The following CTSG variants were observed in gnomAD, a reference collection of about 807,000 sequenced individuals.
The protein encoded by CTSG is cathepsin G.
CTSG carries 23 observed loss-of-function variants against 23.0 expected under a neutral mutation model. The observed-to-expected ratio is 1.00, with a 90% confidence interval of 0.72 to 1.42. The LOEUF is 1.42. CTSG is among the 40% of genes most tolerant of loss of function. The pLI is 0.00. For synonymous variants in CTSG, 140 were observed against 130.4 expected (o/e 1.07, Z -0.50); for missense variants, 312 against 326.2 (o/e 0.96, Z 0.33).
Position 24,574,704 on chromosome 14 carries a change from T to C in CTSG, c.310A>G (p.Thr104Ala). The C allele has an allele frequency of 5.6e-6, 9 of 1,614,200 alleles. No individual in the cohort carries two copies. Among genetic ancestry groups the C allele is most frequent in the Non-Finnish European group, 6.8e-6 (8 of 1,180,034 alleles). Reference protein sequence around the residue: ...AIRHPQYNQRTIQNDIMLLQL... With the variant: ...AIRHPQYNQRAIQNDIMLLQL... ...AATAACATGATGTCATTCTGGATGG[T>C]CCGCTGATTATATTGAGGGTGGCGG... Residue 104 changes from threonine (T) to alanine (A), a missense_variant, in exon 3 of 5, where the codon ACC becomes GCC. Thr to Ala is a moderately conservative substitution (Grantham distance 58). Transcript: ENST00000216336.
Position 24,574,560 on chromosome 14 carries a change from G to A in CTSG, c.340-61C>T, listed in dbSNP as rs1278685258. 3.7e-6 allele frequency: 6 copies of A among 1,610,800 alleles called. No homozygotes were observed. In the South Asian group the frequency reaches 4.4e-5, roughly 12 times the overall value. ...GGCCTCCAGCCAAGGCTCGGGGGTC[G>A]CTGGTGCAGTACACATCCCATGCCC... On this transcript the variant is annotated intron_variant, in intron 3 of 4. Coordinates refer to ENST00000216336, the MANE Select transcript of CTSG (RefSeq NM_001911.3).
In CTSG at chr14:24,574,274, C is replaced by T. The variant is rs2066729410; in HGVS notation, c.565G>A (p.Asp189Asn). The change falls in exon 4 of 5, where the codon GAC becomes AAC. Residue 189 changes from aspartate (D) to asparagine (N), a missense_variant. Asp to Asn is a conservative substitution (Grantham distance 23, BLOSUM62 1). Transcript: ENST00000216336. Reference sequence around the variant, plus strand: ...AAGGCAGCCTTCCGTTCCCGCCGGTCCCCCACACAAATCTGCCTTCGGGGG... The same window carrying T: ...AAGGCAGCCTTCCGTTCCCGCCGGTTCCCCACACAAATCTGCCTTCGGGGG... The part of the protein sequence containing the change: ...YDPRRQICVG[D>N]RRERKAAFKG... 6.2e-7 allele frequency: 1 copy of T among 1,600,146 alleles called. No individual in the cohort carries two copies.
At chr14:24,574,883 C>T (rs2070697) in intron 2 of CTSG, 73 bp from the exon 3 acceptor site, 481,156 of 1,595,872 alleles carry the variant, frequency 0.3, 77,204 homozygotes, top group Admixed American at 0.56. Context: ...GCAGACAGCA[C>T]GGGGAGGGCA....
At position 24,575,334 on chromosome 14, in the gene CTSG, C is replaced by G; in HGVS notation, c.134G>C (p.Gly45Ala). The change falls in exon 2 of 5, where the codon GGT (glycine) becomes GCT (alanine). Residue 45 changes from glycine to alanine, a missense_variant. By Grantham distance (60) the Gly-to-Ala change is moderately conservative. Coordinates refer to ENST00000216336, the MANE Select transcript of CTSG (RefSeq NM_001911.3). ...CAGGAACCCTCCACATCTGCTCTGA[C>G]CTGCTGGACTCTGGATCTGAAGATA... ...MAYLQIQSPA[G>A]QSRCGGFLVR... is the part of the protein sequence containing the mutation. 6.2e-7 allele frequency: 1 copy of G among 1,614,220 alleles called. No individual in the cohort carries two copies. Among genetic ancestry groups the G allele is most frequent in the Non-Finnish European group, 8.5e-7 (1 of 1,180,042 alleles).
Position 24,574,661 on chromosome 14 carries a change from CAGGT to C in CTSG, c.339+10_339+13del. The C allele has an allele frequency of 6.2e-7, 1 of 1,614,194 alleles. No individual in the cohort carries two copies. The highest frequency in any genetic ancestry group is 8.5e-7 in the Non-Finnish European group (1 of 1,180,036). ...ACACACTAGGAAGGAGCCAGAGGGCCAGGTAGGTGGTACCTGCAATAACATGATG... is the reference window on the plus strand; with the variant it reads ...ACACACTAGGAAGGAGCCAGAGGGCCAGGTGGTACCTGCAATAACATGATG... On this transcript the variant is annotated intron_variant, in intron 3 of 4. Transcript: ENST00000216336.
Position 24,574,774 on chromosome 14 carries a change from C to T in CTSG, c.240G>A (p.Gln80=). Residue 80 remains glutamine (Q), a synonymous_variant, in exon 3 of 5, where the codon CAG becomes CAA. Coordinates refer to ENST00000216336, the MANE Select transcript of CTSG (RefSeq NM_001911.3). ...TGTGTTGCTGGGTGTTTTCCCGTCT[C>T]TGGATATTGTGGGCGCCCAGGGTGA... is the stretch of plus-strand genomic sequence containing the variant. ...INVTLGAHNI[Q]RRENTQQHIT... 1 of 1,614,106 alleles carries T rather than the reference C, an allele frequency of 6.2e-7. No homozygotes were observed. The highest frequency in any genetic ancestry group is 8.5e-7 in the Non-Finnish European group (1 of 1,180,040).
Position 24,575,188 on chromosome 14 carries a change from CT to C in CTSG, c.203+76del, listed in dbSNP as rs1339816875. 2.4e-5 allele frequency: 38 copies of C among 1,560,232 alleles called. No homozygotes were observed. In the Admixed American group the frequency reaches 4.9e-4, roughly 20 times the overall value. On this transcript the variant is annotated intron_variant, in intron 2 of 4. Transcript: ENST00000216336. ...TCACCCTTTCATTGCTACAACTCTT[CT>C]TTCAGATGGCTCTTCCACCGAAGAG...
chr14:24,575,486 G>T (rs949960276), intron 1 of CTSG, 74 bp from the exon 2 acceptor site: 2 of 1,543,968 alleles, frequency 1.3e-6, no homozygotes, highest in South Asian at 1.1e-5. Flanking sequence ...GGTGGCTCCA[G>T]AAAGGCTGGA....
At chr14:24,574,168 A>G (rs1444386043) in intron 4 of CTSG, 77 bp downstream of exon 4, 6 of 1,549,654 alleles carry the variant, frequency 3.9e-6, no homozygotes, top group Non-Finnish European at 5.2e-6. Flanking sequence ...GGCTGTGGGG[A>G]TGGAATCTGT....
intron 1 of CTSG, among the ~76,000 whole-genome samples, chr14:24,575,682 C>T (rs1204824332): frequency 6.6e-6 from 1 of 152,168 alleles, no homozygotes. Flanking sequence ...GGAGAACAAC[C>T]CTTGTTCCAG....
Position 24,574,280 on chromosome 14 carries a change from C to CACAAATCTGCCTTCGGGGGTCGTAGGA in CTSG, c.532_558dup (p.Ser178_Cys186dup). The CACAAATCTGCCTTCGGGGGTCGTAGGA allele has an allele frequency of 6.2e-7, 1 of 1,600,350 alleles. No homozygotes were observed. The highest frequency in any genetic ancestry group is 8.5e-7 in the Non-Finnish European group (1 of 1,179,956). ...GCCTTCCGTTCCCGCCGGTCCCCCA[C>CACAAATCTGCCTTCGGGGGTCGTAGGA]ACAAATCTGCCTTCGGGGGTCGTAG... is the stretch of plus-strand genomic sequence containing the variant. On this transcript the variant is annotated inframe_insertion, in exon 4 of 5. Transcript: ENST00000216336.
At chr14:24,574,931 C>T in intron 2 of CTSG, 121 bp from the exon 3 acceptor site, 1 of 1,295,424 alleles carries the variant, frequency 7.7e-7, no homozygotes, top group Non-Finnish European at 1.1e-6. Context: ...ATGGGAGGGC[C>T]CTGGGGCTCA....
Position 24,575,382 on chromosome 14 carries a change from G to A in CTSG, c.86C>T (p.Pro29Leu), listed in dbSNP as rs2066736844. 1 of 1,614,176 alleles carries A rather than the reference G, an allele frequency of 6.2e-7. No individual in the cohort carries two copies. Among genetic ancestry groups the A allele is most frequent in the Non-Finnish European group, 8.5e-7 (1 of 1,180,034 alleles). Residue 29 changes from proline to leucine, a missense_variant, in exon 2 of 5, where the codon CCC becomes CTC. Transcript: ENST00000216336. ...ATACGCCATGTAGGGGCGGGAGTGGGGCCTGCTCTCCCGGCCTCCGATGAT... is the reference window on the plus strand; with the variant it reads ...ATACGCCATGTAGGGGCGGGAGTGGAGCCTGCTCTCCCGGCCTCCGATGAT... Reference protein sequence around the residue: ...GEIIGGRESRPHSRPYMAYLQ... With the variant: ...GEIIGGRESRLHSRPYMAYLQ...
Position 24,573,698 on chromosome 14 carries a change from G to A in CTSG, c.707C>T (p.Pro236Leu), listed in dbSNP as rs773668643. 4 of 1,613,934 alleles carry A rather than the reference G, an allele frequency of 2.5e-6. No individual in the cohort carries two copies. The African/African-American group carries it at 5.3e-5, about 22-fold the overall frequency. ...GCTTCTCATTGTTGTCCTTATCCAG[G>A]GCAGGAAACTTGAGACCCTGGTGAA... The part of the protein sequence containing the change: ...EVFTRVSSFL[P>L]WIRTTMRSFK... Residue 236 changes from proline to leucine, a missense_variant, in exon 5 of 5, where the codon CCC becomes CTC. Coordinates refer to ENST00000216336, the MANE Select transcript of CTSG (RefSeq NM_001911.3).
Position 24,573,768 on chromosome 14 carries a change from C to A in CTSG, c.637G>T (p.Gly213Cys). The A allele has an allele frequency of 6.2e-7, 1 of 1,614,052 alleles. No homozygotes were observed. Among genetic ancestry groups the A allele is most frequent in the Admixed American group, 1.7e-5 (1 of 60,028 alleles). The change falls in exon 5 of 5, where the codon GGC (glycine) becomes TGC (cysteine). Residue 213 changes from glycine (G) to cysteine (C), a missense_variant. Physicochemically the swap from Gly to Cys is radical, Grantham distance 159. Coordinates refer to ENST00000216336, the MANE Select transcript of CTSG (RefSeq NM_001911.3). ...GACGACTTTCCATAGGAGACGATGC[C>A]GTGGGCCACATTGTTACACAGCAGG... ...GPLLCNNVAHGIVSYGKSSGV... is the reference protein window; with the variant it reads ...GPLLCNNVAHCIVSYGKSSGV...
Position 24,574,748 on chromosome 14 carries a change from A to G in CTSG, c.266T>C (p.Ile89Thr), listed in dbSNP as rs766002924. 1.9e-6 allele frequency: 3 copies of G among 1,613,998 alleles called. No individual in the cohort carries two copies. Among genetic ancestry groups the G allele is most frequent in the Non-Finnish European group, 2.5e-6 (3 of 1,179,998 alleles). Residue 89 changes from isoleucine (I) to threonine (T), a missense_variant, in exon 3 of 5, where the codon ATC becomes ACC. By Grantham distance (89) the Ile-to-Thr change is moderately conservative. Coordinates refer to ENST00000216336, the MANE Select transcript of CTSG (RefSeq NM_001911.3). Reference protein sequence around the residue: ...IQRRENTQQHITARRAIRHPQ... With the variant: ...IQRRENTQQHTTARRAIRHPQ... The stretch of plus-strand genomic sequence containing the variant: ...GTGGCGGATGGCTCTGCGCGCAGTG[A>G]TGTGTTGCTGGGTGTTTTCCCGTCT...
rs2066732747 is a variant in CTSG at position 24,574,700 on chromosome 14, A to G, written c.314T>C (p.Ile105Thr). The G allele has an allele frequency of 2.5e-6, 4 of 1,613,988 alleles. No individual in the cohort carries two copies. The highest frequency in any genetic ancestry group is 3.4e-6 in the Non-Finnish European group (4 of 1,180,040). ...IRHPQYNQRTIQNDIMLLQLS... is the reference protein window; with the variant it reads ...IRHPQYNQRTTQNDIMLLQLS... ...CTGCAATAACATGATGTCATTCTGG[A>G]TGGTCCGCTGATTATATTGAGGGTG... Residue 105 changes from isoleucine (I) to threonine (T), a missense_variant, in exon 3 of 5, where the codon ATC becomes ACC. Ile to Thr is a moderately conservative substitution (Grantham distance 89, BLOSUM62 -1). Coordinates refer to ENST00000216336, the MANE Select transcript of CTSG (RefSeq NM_001911.3).
At chr14:24,575,235 G>A in intron 2 of CTSG, 30 bp downstream of exon 2, 2 of 1,613,672 alleles carry the variant, frequency 1.2e-6, no homozygotes, top group East Asian at 2.2e-5. Context: ...CTGTGTTCCT[G>A]GCTGGCCAGG....
rs1210885671 is a variant in CTSG, at chr14:24,574,291, C to CT, written c.547dup (p.Arg183LysfsTer26). ...CCGCCGGTCCCCCACACAAATCTGCCTTCGGGGGTCGTAGGAACCGAAGAT... is the reference window on the plus strand; with the variant it reads ...CCGCCGGTCCCCCACACAAATCTGCCTTTCGGGGGTCGTAGGAACCGAAGAT... On this transcript the variant is annotated frameshift_variant, in exon 4 of 5. Coordinates refer to ENST00000216336, the MANE Select transcript of CTSG (RefSeq NM_001911.3). LOFTEE classifies it low-confidence loss of function (END_TRUNC). The CT allele has an allele frequency of 6.2e-7, 1 of 1,600,730 alleles. No homozygotes were observed. Among genetic ancestry groups the CT allele is most frequent in the Non-Finnish European group, 8.5e-7 (1 of 1,179,958 alleles).
Sources: gnomAD v4.1 joint callset for allele counts (sites outside exome capture counted in the v4.1 genomes callset) on GRCh38, gnomAD v4.1.1 for gene constraint, MANE v1.5 for transcripts, NCBI Gene and HGNC (gene_info 2026-07-23, HGNC 2026-07-21) for gene names.